The following LRCH1 variants were observed in gnomAD, a reference collection of about 807,000 sequenced individuals.
The protein encoded by LRCH1 is leucine rich repeats and calponin homology domain containing 1.
LRCH1 carries 23 observed loss-of-function variants against 94.9 expected under a neutral mutation model. That is an observed-to-expected ratio of 0.24 (90% CI 0.17 to 0.34). The LOEUF is 0.34. Among genes scored for constraint, LRCH1 ranks in the 10% least tolerant of loss-of-function variants. The probability of loss-of-function intolerance (pLI) is 1.00; values close to 1 mark genes in which losing one functional copy is unlikely to be tolerated. For synonymous variants in LRCH1, 364 were observed against 354.9 expected, an observed-to-expected ratio of 1.03 and a Z score of -0.29; for missense variants, 790 against 945.9, an observed-to-expected ratio of 0.84 and a Z score of 2.16.
At chr13:46,615,285 A>G (rs1032656913) in intron 1 of LRCH1, among the ~76,000 whole-genome samples, 1 of 152,104 alleles carries the variant, frequency 6.6e-6, no homozygotes, top group Non-Finnish European at 1.5e-5. Context: ...GCTAAGGGGG[A>G]GCAGGCAAGA....
At position 46,744,076 on chromosome 13, in the gene LRCH1, G is replaced by A. The variant is rs562869200; in HGVS notation, c.*2228G>A. 24 of 985,254 alleles carry A rather than the reference G, an allele frequency of 2.4e-5. No homozygotes were observed. Among genetic ancestry groups the A allele is most frequent in the Admixed American group, 6.1e-5 (1 of 16,274 alleles). The allele number at this position is 985,254 out of a possible 1,614,324, so 61.0% of individuals were successfully genotyped here. ...ATTTGAATGAACTGTTCTGTCCATT[G>A]CCAACCCATTAATTTCTAATCAGAA... On this transcript the variant is annotated 3_prime_UTR_variant, in exon 20 of 20. Coordinates refer to ENST00000389797, the MANE Select transcript of LRCH1 (RefSeq NM_001164211.2).
chr13:46,698,698 A>G (rs1449481555), intron 9 of LRCH1, among the ~76,000 whole-genome samples: 2 of 152,238 alleles, frequency 1.3e-5, no homozygotes, highest in Non-Finnish European at 2.9e-5. Flanking sequence ...AGAAGGTGCT[A>G]AAAGGGCAAT....
At chr13:46,723,890 A>G (rs1055422157) in intron 17 of LRCH1, among the ~76,000 whole-genome samples, 2 of 152,188 alleles carry the variant, frequency 1.3e-5, no homozygotes, top group African/African-American at 4.8e-5. Flanking sequence ...ATATATACAT[A>G]TAAATGCTGG....
At chr13:46,570,509 T>C (rs1375538344) in intron 1 of LRCH1, among the ~76,000 whole-genome samples, 1 of 152,248 alleles carries the variant, frequency 6.6e-6, no homozygotes. Flanking sequence ...AACCAGGTCT[T>C]TCTGCCCCTA....
intron 19 of LRCH1, among the ~76,000 whole-genome samples, chr13:46,737,714 C>T (rs941336085): frequency 6.6e-6 from 1 of 152,160 alleles, no homozygotes; most frequent in African/African-American, 2.4e-5. Flanking sequence ...TTTTAATGGA[C>T]ACATTGGGGC....
At position 46,573,866 on chromosome 13, in the gene LRCH1, A is replaced by ATATATATATT; in HGVS notation, c.307+20164_307+20165insATATATATTT. Among the ~76,000 whole-genome samples, 24 of 63,390 alleles carry ATATATATATT rather than the reference A, an allele frequency of 3.8e-4. 2 individuals carry two copies. The highest frequency in any genetic ancestry group is 3.3e-3 in the East Asian group (5 of 1,522). The allele number at this position is 63,390 out of a possible 152,430, so 41.6% of individuals were successfully genotyped here. On this transcript the variant is annotated intron_variant, in intron 1 of 19. Coordinates refer to ENST00000389797, the MANE Select transcript of LRCH1 (RefSeq NM_001164211.2). ...GTCAAATATATATATATATATATAT[A>ATATATATATT]TTTTTTTTTTTTTTGAGATGGAGTC...
At chr13:46,745,352 G>A (rs1041406324), downstream of LRCH1, among the ~76,000 whole-genome samples, 2 of 151,972 alleles carry the variant, frequency 1.3e-5, no homozygotes, top group African/African-American at 4.8e-5. Flanking sequence ...CAAGTGATAA[G>A]GACCTGTGGT....
intron 1 of LRCH1, among the ~76,000 whole-genome samples, chr13:46,588,208 T>C (rs1161252126): frequency 6.6e-6 from 1 of 152,190 alleles, no homozygotes; most frequent in African/African-American, 2.4e-5. Flanking sequence ...TTCGCTCTCA[T>C]CTGAAGTAAT....
chr13:46,732,464 G>A (rs779911457), intron 18 of LRCH1, among the ~76,000 whole-genome samples: 16 of 152,082 alleles, frequency 1.1e-4, no homozygotes, highest in African/African-American at 3.9e-4. Context: ...CTTTGAAGAC[G>A]CCCTCCCTCA....
intron 2 of LRCH1, among the ~76,000 whole-genome samples, chr13:46,658,413 T>A (rs2051403772): frequency 6.6e-6 from 1 of 152,248 alleles, no homozygotes; most frequent in Non-Finnish European, 1.5e-5. Context: ...CAGTGGTTGT[T>A]AATCACTCCC....
intron 2 of LRCH1, among the ~76,000 whole-genome samples, chr13:46,660,033 A>ATTTTTTTTTTT (rs2051424652): frequency 2.4e-4 from 8 of 33,244 alleles, no homozygotes; most frequent in Admixed American, 4.1e-4. Flanking sequence ...CTTAGGAGTC[A>ATTTTTTTTTTT]CTTTTTTTTT....
At chr13:46,710,631 G>A (rs17347740) in intron 13 of LRCH1, among the ~76,000 whole-genome samples, 20,311 of 152,164 alleles carry the variant, frequency 0.13, 1,423 homozygotes, top group African/African-American at 0.18. Flanking sequence ...AAAGCCATTT[G>A]ATTGAATAGG....
intron 1 of LRCH1, among the ~76,000 whole-genome samples, chr13:46,571,314 C>T (rs867082235): frequency 1.6e-4 from 24 of 152,148 alleles, no homozygotes; most frequent in South Asian, 2.1e-4. Context: ...GTTTGATCAG[C>T]GGCGTGTTTC....
intron 3 of LRCH1, among the ~76,000 whole-genome samples, chr13:46,672,729 C>T (rs1375218744): frequency 6.6e-6 from 1 of 152,230 alleles, no homozygotes; most frequent in East Asian, 1.9e-4. Context: ...CATTACAGGA[C>T]TGTCTTCACC....
intron 2 of LRCH1, 102 bp downstream of exon 2, chr13:46,650,447 T>G (rs2051278131): frequency 2.0e-6 from 2 of 979,396 alleles, no homozygotes; most frequent in Middle Eastern, 2.2e-4. Flanking sequence ...TTCTTGATTT[T>G]TCTTTGATGT....
chr13:46,712,700 G>T, intron 15 of LRCH1, 103 bp downstream of exon 15: 1 of 1,070,062 alleles, frequency 9.3e-7, no homozygotes, highest in East Asian at 2.4e-5. Flanking sequence ...TGTCAGTTCT[G>T]CTGAGCCGAA....
chr13:46,591,929 G>A (rs1417186488), intron 1 of LRCH1, among the ~76,000 whole-genome samples: 1 of 152,220 alleles, frequency 6.6e-6, no homozygotes, highest in Admixed American at 6.5e-5. Flanking sequence ...CTTGAACTTT[G>A]CCGTGGACTT....
At chr13:46,750,955 C>T (rs1463060419) in exon 19 of LRCH1, 1 of 212,032 alleles carries the variant, frequency 4.7e-6, no homozygotes, top group Non-Finnish European at 9.3e-6. Flanking sequence ...CTGCCATTAC[C>T]AAAACGCCAA....
chr13:46,570,098 T>C (rs2050225540), intron 1 of LRCH1, among the ~76,000 whole-genome samples: 3 of 152,238 alleles, frequency 2.0e-5, no homozygotes, highest in Admixed American at 2.0e-4. Context: ...CTCCACTTTA[T>C]GTGGCTTCCC....
Sources: gnomAD v4.1 joint callset for allele counts (sites outside exome capture counted in the v4.1 genomes callset) on GRCh38, gnomAD v4.1.1 for gene constraint, MANE v1.5 for transcripts, NCBI Gene and HGNC (gene_info 2026-07-23, HGNC 2026-07-21) for gene names.